Variants in GLRX3 observed in about 807,000 individuals in gnomAD.
GLRX3 encodes the protein glutaredoxin 3.
A neutral mutation model predicts 49.5 loss-of-function variants in GLRX3; 22 were observed. That is an observed-to-expected ratio of 0.44 (90% CI 0.32 to 0.63). The LOEUF is 0.63. Among genes scored for constraint, GLRX3 ranks in the 30% least tolerant of loss-of-function variants. The pLI, the probability that GLRX3 is intolerant of heterozygous loss-of-function variation, is 0.05. For missense variants in GLRX3, 385 were observed against 396.3 expected (o/e 0.97, Z 0.24); for synonymous variants, 133 against 140.0 (o/e 0.95, Z 0.35).
Position 130,179,469 on chromosome 10 carries a change from G to C in GLRX3, c.*77G>C. 1.3e-6 allele frequency: 1 copy of C among 755,056 alleles called. No homozygotes were observed. Among genetic ancestry groups the C allele is most frequent in the Admixed American group, 2.6e-5 (1 of 38,064 alleles). 46.8% of individuals were successfully genotyped at this position (755,056 alleles called of 1,614,324 possible). On this transcript the variant is annotated 3_prime_UTR_variant, in exon 11 of 11. Transcript: ENST00000331244. ...GGAGCAGTTCATGATTTAGTCCTCAGAAATGGACTAGGAATAGAAAATTCC... is the reference window on the plus strand; with the variant it reads ...GGAGCAGTTCATGATTTAGTCCTCACAAATGGACTAGGAATAGAAAATTCC...
chr10:130,141,510 A>C (rs1862175094), intron 1 of GLRX3, among the ~76,000 whole-genome samples: 1 of 152,078 alleles, frequency 6.6e-6, no homozygotes, highest in Non-Finnish European at 1.5e-5. Flanking sequence ...CCAGCTACTG[A>C]TTTCTTACTG....
intron 8 of GLRX3, among the ~76,000 whole-genome samples, chr10:130,174,068 A>G (rs1862867298): frequency 6.6e-6 from 1 of 152,346 alleles, no homozygotes; most frequent in East Asian, 1.9e-4. Context: ...CTCTGAGTGG[A>G]TACAGTTGGA....
rs895305711 is a variant in GLRX3, at chr10:130,145,195, T to C, written c.93-16T>C. The C allele has an allele frequency of 4.0e-6, 4 of 1,001,298 alleles. No individual in the cohort carries two copies. The highest frequency in any genetic ancestry group is 6.1e-6 in the Non-Finnish European group (4 of 650,584). The allele number at this position is 1,001,298 out of a possible 1,614,324, so 62.0% of individuals were successfully genotyped here. A position where few individuals can be genotyped will look rare whatever the true frequency, so the allele number is the denominator to read the frequency against. On this transcript the variant is annotated splice_polypyrimidine_tract_variant and intron_variant, in intron 1 of 10. Coordinates refer to ENST00000331244, the MANE Select transcript of GLRX3 (RefSeq NM_006541.5). ...ATTGGTATAATTTTAAATAAATGCA[T>C]TTAATTGATTTACAGGTCCCTCCTT...
intron 2 of GLRX3, among the ~76,000 whole-genome samples, chr10:130,153,333 T>G (rs1388958262): frequency 6.6e-6 from 1 of 152,228 alleles, no homozygotes; most frequent in African/African-American, 2.4e-5. Flanking sequence ...TCCAGTTTTA[T>G]TCCCTTGCTG....
At chr10:130,170,738 T>TA (rs1862790481) in intron 7 of GLRX3, among the ~76,000 whole-genome samples, 1 of 152,240 alleles carries the variant, frequency 6.6e-6, no homozygotes, top group Non-Finnish European at 1.5e-5. Context: ...GTTGACATGG[T>TA]ACCATATCTT....
intron 3 of GLRX3, 112 bp from the exon 4 acceptor site, chr10:130,160,684 G>C: frequency 1.5e-6 from 1 of 664,334 alleles, no homozygotes; most frequent in Non-Finnish European, 2.7e-6. Context: ...TGGCAATGAG[G>C]GTTTCTTTTT....
chr10:130,165,843 C>T (rs1393795898), intron 4 of GLRX3, among the ~76,000 whole-genome samples: 1 of 152,166 alleles, frequency 6.6e-6, no homozygotes. Context: ...AGAATTGATT[C>T]TCATAGATTC....
At chr10:130,142,849 T>A (rs1862200712) in intron 1 of GLRX3, among the ~76,000 whole-genome samples, 1 of 152,158 alleles carries the variant, frequency 6.6e-6, no homozygotes, top group African/African-American at 2.4e-5. Flanking sequence ...TTCTCTGCTT[T>A]ACTACATAAG....
intron 2 of GLRX3, among the ~76,000 whole-genome samples, chr10:130,153,169 T>C (rs1862412148): frequency 6.6e-6 from 1 of 152,218 alleles, no homozygotes; most frequent in African/African-American, 2.4e-5. Flanking sequence ...ATTTAAGCTC[T>C]TCTCTACATT....
At chr10:130,145,078 A>C in intron 1 of GLRX3, 133 bp from the exon 2 acceptor site, 1 of 489,728 alleles carries the variant, frequency 2.0e-6, no homozygotes. Flanking sequence ...ATACAACAAA[A>C]TTCTAGCAAT....
chr10:130,149,860 T>A (rs1174753463), intron 2 of GLRX3, among the ~76,000 whole-genome samples: 1 of 150,466 alleles, frequency 6.6e-6, no homozygotes, highest in Non-Finnish European at 1.5e-5. Flanking sequence ...ATTTAATTCC[T>A]TTTTTCATTG....
At chr10:130,167,366 A>G (rs936210833) in intron 6 of GLRX3, among the ~76,000 whole-genome samples, 3 of 152,208 alleles carry the variant, frequency 2.0e-5, no homozygotes, top group African/African-American at 7.2e-5. Context: ...TGCTGCCCCA[A>G]CGCCAGAGCA....
chr10:130,150,929 G>GTTT (rs796193513), intron 2 of GLRX3, among the ~76,000 whole-genome samples: 7 of 137,538 alleles, frequency 5.1e-5, no homozygotes, highest in Non-Finnish European at 6.3e-5. Context: ...TGGTAGAATT[G>GTTT]TTTTTTTTTT....
chr10:130,168,518 C>T (rs549113217), intron 6 of GLRX3, among the ~76,000 whole-genome samples: 2 of 152,320 alleles, frequency 1.3e-5, no homozygotes, highest in Admixed American at 1.3e-4. Flanking sequence ...TATCTTGGCT[C>T]ACTGCAAGCT....
chr10:130,157,808 C>A (rs1862505782), intron 2 of GLRX3, among the ~76,000 whole-genome samples: 1 of 152,052 alleles, frequency 6.6e-6, no homozygotes. Flanking sequence ...GTAGGTCGCC[C>A]ATGAATGATA....
chr10:130,149,203 G>A (rs978805153), intron 2 of GLRX3, among the ~76,000 whole-genome samples: 3 of 152,184 alleles, frequency 2.0e-5, no homozygotes, highest in Admixed American at 6.6e-5. Flanking sequence ...AGGGCCCAGA[G>A]GAGATGATGT....
At chr10:130,138,132 C>G (rs1269705933) in intron 1 of GLRX3, among the ~76,000 whole-genome samples, 3 of 152,036 alleles carry the variant, frequency 2.0e-5, no homozygotes, top group Non-Finnish European at 4.4e-5. Flanking sequence ...TCTCGGCTCA[C>G]TGCAGCCTCT....
chr10:130,166,588 T>A lies in GLRX3; in HGVS notation c.560T>A (p.Val187Asp). ...SSFDIFSDEE[V>D]RQGLKAYSSW... ...TTTGATATCTTCTCAGATGAAGAGGTTCGACAGGGACTCAAAGCCTATTCC... is the reference window on the plus strand; with the variant it reads ...TTTGATATCTTCTCAGATGAAGAGGATCGACAGGGACTCAAAGCCTATTCC... The change falls in exon 5 of 11, where the codon GTT becomes GAT. Residue 187 changes from valine to aspartate, a missense_variant. Physicochemically the swap from Val to Asp is radical, Grantham distance 152. This residue lies in a region of GLRX3 where 374 missense variants were observed against 358.6 expected (regional missense o/e 1.04). Coordinates refer to ENST00000331244, the MANE Select transcript of GLRX3 (RefSeq NM_006541.5). The A allele has an allele frequency of 1.2e-6, 2 of 1,610,254 alleles. No individual in the cohort carries two copies. Among genetic ancestry groups the A allele is most frequent in the Non-Finnish European group, 1.7e-6 (2 of 1,176,502 alleles).
Position 130,169,380 on chromosome 10 carries a change from A to C in GLRX3, c.714-53A>C. On this transcript the variant is annotated intron_variant, in intron 6 of 10. Coordinates refer to ENST00000331244, the MANE Select transcript of GLRX3 (RefSeq NM_006541.5). The stretch of plus-strand genomic sequence containing the variant: ...CATGTTACTCACGAAGCGGAGGAAA[A>C]GTGGTGTTGCATAATTGAGCTGAGC... 4 of 1,047,936 alleles carry C rather than the reference A, an allele frequency of 3.8e-6. No individual in the cohort carries two copies. In the East Asian group the frequency reaches 9.4e-5, roughly 25 times the overall value. The allele number at this position is 1,047,936 out of a possible 1,614,324, so 64.9% of individuals were successfully genotyped here.
Sources: gnomAD v4.1 joint callset for allele counts (sites outside exome capture counted in the v4.1 genomes callset) on GRCh38, gnomAD v4.1.1 for gene constraint, gnomAD v4.1.1 regional missense constraint, MANE v1.5 for transcripts, NCBI Gene and HGNC (gene_info 2026-07-23, HGNC 2026-07-21) for gene names.